The following PALS2 variants were observed in gnomAD, a reference collection of about 807,000 sequenced individuals.
PALS2 encodes protein PALS2.
PALS2 carries 27 observed loss-of-function variants against 61.6 expected under a neutral mutation model. The ratio of observed to expected loss-of-function variants is 0.44; its 90% confidence interval spans 0.32 to 0.60. The LOEUF is 0.60. Ranked by LOEUF, PALS2 falls within the 20% of genes least tolerant of loss-of-function variation. The pLI, the probability that PALS2 is intolerant of heterozygous loss-of-function variation, is 0.05. For missense variants in PALS2, 554 were observed against 639.4 expected (o/e 0.87, Z 1.44); for synonymous variants, 236 against 218.6 (o/e 1.08, Z -0.70).
chr7:24,593,588 A>T (rs1376434060), intron 1 of PALS2, among the ~76,000 whole-genome samples: 2 of 152,136 alleles, frequency 1.3e-5, no homozygotes, highest in African/African-American at 2.4e-5. Context: ...TGCAAAACAG[A>T]TGTTGTATTA....
At chr7:24,599,206 T>A (rs1417541051) in intron 1 of PALS2, among the ~76,000 whole-genome samples, 1 of 152,184 alleles carries the variant, frequency 6.6e-6, no homozygotes, top group African/African-American at 2.4e-5. Flanking sequence ...GTTCCTAGGC[T>A]ACAAACCTGT....
chr7:24,680,562 T>TAGG (rs760260558), intron 11 of PALS2, 42 bp downstream of exon 11: 1 of 1,583,638 alleles, frequency 6.3e-7, no homozygotes, highest in East Asian at 2.3e-5. Context: ...TCTTTCCTTT[T>TAGG]CTTTTGAGCA....
intron 1 of PALS2, among the ~76,000 whole-genome samples, chr7:24,607,574 T>G (rs1783954270): frequency 8.2e-6 from 1 of 121,418 alleles, no homozygotes; most frequent in Non-Finnish European, 1.7e-5. Flanking sequence ...TATACATATA[T>G]GTGTGTATAT....
chr7:24,596,044 G>A lies in PALS2; in HGVS notation c.-3+22451G>A, dbSNP rs1783512571. 6.6e-6 allele frequency among the ~76,000 whole-genome samples: 1 copy of A among 152,058 alleles called. No homozygotes were observed. The highest frequency in any genetic ancestry group is 2.1e-4 in the South Asian group (1 of 4,824). ...GTACAGTGGGTGACAAATCATGAAG[G>A]CGCTAAGCGGCCATGGTCAAGAGTG... On this transcript the variant is annotated intron_variant, in intron 1 of 11. Coordinates refer to ENST00000222644, the MANE Select transcript of PALS2 (RefSeq NM_001303037.2). This position sits in a 1 kb window ranked among gnomAD's most constrained non-coding sequence, Gnocchi z 4.5.
chr7:24,663,669 C>A lies in PALS2; in HGVS notation c.731C>A (p.Ser244Tyr), dbSNP rs1448654656. The A allele has an allele frequency of 6.2e-7, 1 of 1,607,822 alleles. No homozygotes were observed. The highest frequency in any genetic ancestry group is 1.3e-5 in the African/African-American group (1 of 74,706). Residue 244 changes from serine to tyrosine, a missense_variant, in exon 6 of 12, where the codon TCC (serine) becomes TAC (tyrosine). By Grantham distance (144) the Ser-to-Tyr change is moderately radical. Transcript: ENST00000222644. ...IPCKEAGLKF[S>Y]KGEILQIVNR... ...TGCAAAGAAGCAGGATTGAAGTTTT[C>A]CAAAGGAGAGATTCTTCAGATTGTA...
intron 10 of PALS2, among the ~76,000 whole-genome samples, chr7:24,679,657 G>T (rs567520896): frequency 6.6e-6 from 1 of 152,140 alleles, no homozygotes; most frequent in East Asian, 1.9e-4. Flanking sequence ...ACTCAAGTCT[G>T]CAATATAAAG....
In PALS2 at chr7:24,575,162, C is replaced by T. The variant is rs1234927060; in HGVS notation, c.-3+1569C>T. Among the ~76,000 whole-genome samples the T allele has an allele frequency of 2.0e-5, 3 of 152,096 alleles. No individual in the cohort carries two copies. In the East Asian group the frequency reaches 5.8e-4, roughly 29 times the overall value. On this transcript the variant is annotated intron_variant, in intron 1 of 11. Transcript: ENST00000222644. ...ACACAAATGGTAACACTTTTAATTG[C>T]TCAATTTTGTCCTATGGAGACTGCA...
chr7:24,603,936 A>G (rs1783802698), intron 1 of PALS2, among the ~76,000 whole-genome samples: 3 of 152,196 alleles, frequency 2.0e-5, no homozygotes, highest in African/African-American at 4.8e-5. Context: ...AAGAAATACC[A>G]GGAAAATGTG....
At chr7:24,630,168 T>C (rs1784935401) in intron 2 of PALS2, among the ~76,000 whole-genome samples, 1 of 152,196 alleles carries the variant, frequency 6.6e-6, no homozygotes, top group Admixed American at 6.5e-5. Context: ...TGAGTTCACG[T>C]CCTTTGCAGG....
chr7:24,647,152 T>A (rs1010547500), intron 3 of PALS2, among the ~76,000 whole-genome samples: 2 of 128,110 alleles, frequency 1.6e-5, no homozygotes, highest in Non-Finnish European at 3.2e-5. Flanking sequence ...ATTTAATTAA[T>A]TTTTTTTTTT....
chr7:24,665,614 C>T lies in PALS2; in HGVS notation c.810C>T (p.Ser270=), dbSNP rs201576683. ...CTAGCCATGTAAAAGAGGGAGGAAG[C>T]GCTGGTCTCATTCCAAGCCAGTTCC... The part of the protein sequence containing the change: ...WQASHVKEGG[S]AGLIPSQFLE... The change falls in exon 7 of 12, where the codon AGC becomes AGT. Residue 270 remains serine (S), a synonymous_variant. Transcript: ENST00000222644. 66 of 1,613,584 alleles carry T rather than the reference C, an allele frequency of 4.1e-5. No homozygotes were observed. The East Asian group carries it at 9.6e-4, about 23-fold the overall frequency.
intron 11 of PALS2, among the ~76,000 whole-genome samples, chr7:24,681,915 T>TG (rs1294231229): frequency 1.3e-5 from 2 of 152,236 alleles, no homozygotes; most frequent in African/African-American, 4.8e-5. Flanking sequence ...TCTGAACGTA[T>TG]GAAACATAGT....
chr7:24,665,557 T>A, intron 6 of PALS2, 31 bp from the exon 7 acceptor site: 1 of 1,604,332 alleles, frequency 6.2e-7, no homozygotes, highest in Non-Finnish European at 8.5e-7. Flanking sequence ...TTTTGGTCAC[T>A]GAGATGTACA....
chr7:24,656,598 T>C (rs1786429030), intron 5 of PALS2, among the ~76,000 whole-genome samples: 1 of 152,180 alleles, frequency 6.6e-6, no homozygotes, highest in Non-Finnish European at 1.5e-5. Flanking sequence ...CACAGCTCAC[T>C]GCAGCCTCAG....
chr7:24,652,188 A>G (rs1369129732), intron 5 of PALS2, among the ~76,000 whole-genome samples: 1 of 152,090 alleles, frequency 6.6e-6, no homozygotes, highest in Non-Finnish European at 1.5e-5. Context: ...TTTATTTATT[A>G]TTATGTGTTA....
At chr7:24,627,665 T>TA (rs1452905606) in intron 2 of PALS2, among the ~76,000 whole-genome samples, 1 of 151,916 alleles carries the variant, frequency 6.6e-6, no homozygotes, top group African/African-American at 2.4e-5. Context: ...ATAGATACAA[T>TA]AAAAAATGGT....
intron 1 of PALS2, among the ~76,000 whole-genome samples, chr7:24,602,808 T>A (rs1783767124): frequency 2.0e-5 from 3 of 152,152 alleles, no homozygotes; most frequent in Non-Finnish European, 1.5e-5. Flanking sequence ...CCACATGTCA[T>A]GGGAGGGACC....
chr7:24,626,052 G>A (rs1784728448), intron 2 of PALS2, among the ~76,000 whole-genome samples: 1 of 151,916 alleles, frequency 6.6e-6, no homozygotes, highest in Non-Finnish European at 1.5e-5. Context: ...TCCCATAAAT[G>A]GTTCTTTTAT....
At chr7:24,634,854 G>A (rs10249027) in intron 2 of PALS2, among the ~76,000 whole-genome samples, 3,600 of 152,214 alleles carry the variant, frequency 0.024, 166 homozygotes, top group African/African-American at 0.083. Flanking sequence ...GTGGTTTTGG[G>A]CACCTTTGTC....
Sources: gnomAD v4.1 joint callset for allele counts (sites outside exome capture counted in the v4.1 genomes callset) on GRCh38, gnomAD v4.1.1 for gene constraint, Gnocchi (gnomAD v3.1) non-coding constraint, MANE v1.5 for transcripts, NCBI Gene and HGNC (gene_info 2026-07-23, HGNC 2026-07-21) for gene names.